Variants in ZP3 observed in about 807,000 individuals in gnomAD.
The protein encoded by ZP3 is zona pellucida sperm-binding protein 3.
A neutral mutation model predicts 35.6 loss-of-function variants in ZP3; 21 were observed. The observed-to-expected ratio is 0.59, with a 90% confidence interval of 0.42 to 0.85. The LOEUF (loss-of-function observed/expected upper bound fraction) is 0.85. Ranked by LOEUF, ZP3 falls within the 40% of genes least tolerant of loss-of-function variation. The pLI is 0.00. For missense variants in ZP3, 437 were observed against 536.5 expected, an observed-to-expected ratio of 0.81 and a Z score of 1.83; for synonymous variants, 207 against 214.5, an observed-to-expected ratio of 0.96 and a Z score of 0.31.
chr7:76,399,630 G>T (rs889368775), intron 1 of ZP3, among the ~76,000 whole-genome samples: 1 of 151,234 alleles, frequency 6.6e-6, no homozygotes, highest in Non-Finnish European at 1.5e-5. Context: ...GACCCCCCCA[G>T]ACTCCAGCGA....
intron 1 of ZP3, among the ~76,000 whole-genome samples, chr7:76,419,100 AGGGACTC>A (rs1176432781): frequency 6.6e-6 from 1 of 152,146 alleles, no homozygotes; most frequent in African/African-American, 2.4e-5. Context: ...GTCAGGATTA[AGGGACTC>A]AGTCTAGTCC....
intron 5 of ZP3, among the ~76,000 whole-genome samples, chr7:76,436,448 C>G (rs1806016984): frequency 6.6e-6 from 1 of 152,238 alleles, no homozygotes; most frequent in Non-Finnish European, 1.5e-5. Flanking sequence ...AATACGCAGC[C>G]AGGCTTGCAA....
chr7:76,405,743 TC>T (rs1341686904), intron 1 of ZP3, among the ~76,000 whole-genome samples: 1 of 151,990 alleles, frequency 6.6e-6, no homozygotes, highest in Admixed American at 6.6e-5. Flanking sequence ...GAGGAGTCGG[TC>T]ATGGCTGTAG....
At position 76,400,442 on chromosome 7, in the gene ZP3, C is replaced by A. The variant is rs200166313; in HGVS notation, c.-67+2645C>A. On this transcript the variant is annotated intron_variant, in intron 1 of 8. Coordinates refer to the ZP3 transcript ENST00000336517. ...TGGCCAAAGGCAAGGGGCCGTGGCA[C>A]GGGCAGTGCCAGGCCACAGCCCAGC... 1.9e-6 allele frequency: 3 copies of A among 1,607,426 alleles called. No homozygotes were observed. In the South Asian group the frequency reaches 3.3e-5, roughly 18 times the overall value.
chr7:76,417,797 A>G (rs188998762), intron 1 of ZP3, among the ~76,000 whole-genome samples: 3 of 151,320 alleles, frequency 2.0e-5, no homozygotes, highest in Admixed American at 2.0e-4. Flanking sequence ...TATTTCTTGC[A>G]GAGATGGGGT....
intron 1 of ZP3, among the ~76,000 whole-genome samples, chr7:76,401,940 A>G (rs909206198): frequency 6.6e-6 from 1 of 152,092 alleles, no homozygotes; most frequent in Non-Finnish European, 1.5e-5. Flanking sequence ...GCTCCACCTT[A>G]AATGTGTAAA....
chr7:76,432,411 C>A (rs1055345912), intron 2 of ZP3, among the ~76,000 whole-genome samples: 2 of 152,100 alleles, frequency 1.3e-5, no homozygotes, highest in African/African-American at 4.8e-5. Flanking sequence ...GTCTCGATCT[C>A]CTGACCTCAT....
At position 76,430,604 on chromosome 7, in the gene ZP3, G is replaced by A. The variant is rs117532362; in HGVS notation, c.431+971G>A. On this transcript the variant is annotated intron_variant, in intron 2 of 7. Coordinates refer to ENST00000394857, the MANE Select transcript of ZP3 (RefSeq NM_001110354.2). ...AAAAAAATTAGCCGAGTGTGGTAGC[G>A]CGTGCCTGTAATCTCAGCTACTCAG... Among the ~76,000 whole-genome samples the A allele has an allele frequency of 7.9e-4, 120 of 152,182 alleles. 1 individual carries two copies. In the East Asian group the frequency reaches 0.015, roughly 19 times the overall value.
chr7:76,399,649 C>T (rs1466832522), intron 1 of ZP3, among the ~76,000 whole-genome samples: 1 of 152,128 alleles, frequency 6.6e-6, no homozygotes, highest in Non-Finnish European at 1.5e-5. Context: ...GATCCTCCCT[C>T]CTCTGCCTCC....
At position 76,440,551 on chromosome 7, in the gene ZP3, A is replaced by C; in HGVS notation, c.1000A>C (p.Arg334=). ...KGDCGTPSHS[R]RQPHVMSQWS... is the part of the protein sequence containing the mutation. ...TGACTGTGGCACTCCAAGCCATTCC[A>C]GGAGGCAGCCTCATGTCATGAGCCA... Residue 334 remains arginine, a synonymous_variant, in exon 7 of 8, where the codon AGG becomes CGG. Transcript: ENST00000394857. 6.2e-7 allele frequency: 1 copy of C among 1,614,212 alleles called. No homozygotes were observed. The highest frequency in any genetic ancestry group is 8.5e-7 in the Non-Finnish European group (1 of 1,180,030).
intron 1 of ZP3, chr7:76,398,733 C>CAGTGTCGT (rs751197480): frequency 6.2e-7 from 1 of 1,613,258 alleles, no homozygotes; most frequent in South Asian, 1.1e-5. Context: ...TTCCATTCGG[C>CAGTGTCGT]AGTGTCGTAG....
chr7:76,408,707 C>T (rs1805127221), intron 1 of ZP3, among the ~76,000 whole-genome samples: 1 of 152,186 alleles, frequency 6.6e-6, no homozygotes, highest in Admixed American at 6.5e-5. Flanking sequence ...CCTCCCAGCT[C>T]CAAGGTGGGC....
chr7:76,411,942 C>G (rs575997209), intron 1 of ZP3, among the ~76,000 whole-genome samples: 58 of 152,230 alleles, frequency 3.8e-4, no homozygotes, highest in Non-Finnish European at 7.2e-4. Flanking sequence ...CCTGTAGTCT[C>G]AGCTACCCAG....
At chr7:76,423,007 A>AAGAGAG (rs747350112), upstream of ZP3, among the ~76,000 whole-genome samples, 931 of 76,060 alleles carry the variant, frequency 0.012, 59 homozygotes, top group African/African-American at 0.029. Context: ...AAAAGAAAGA[A>AAGAGAG]AGAGAGAGAG....
chr7:76,427,459 T>A (rs959021747), intron 1 of ZP3, among the ~76,000 whole-genome samples: 24 of 142,318 alleles, frequency 1.7e-4, no homozygotes, highest in Non-Finnish European at 3.0e-4. Flanking sequence ...TAGGTTGCAG[T>A]GAGTTGAGAT....
intron 1 of ZP3, among the ~76,000 whole-genome samples, chr7:76,398,063 C>T (rs997150933): frequency 2.0e-5 from 3 of 152,128 alleles, no homozygotes; most frequent in African/African-American, 4.8e-5. Flanking sequence ...CAGCCTGGGA[C>T]GTGCTGCCTT....
At position 76,412,965 on chromosome 7, in the gene ZP3, CT is replaced by C. The variant is rs1160174272; in HGVS notation, c.-66-12072del. 8.2e-3 allele frequency among the ~76,000 whole-genome samples: 845 copies of C among 102,544 alleles called. 9 individuals are homozygous for C. The highest frequency in any genetic ancestry group is 0.035 in the African/African-American group (738 of 20,844). 67.3% of individuals were successfully genotyped at this position (102,544 alleles called of 152,430 possible). A position where few individuals can be genotyped will look rare whatever the true frequency, so the allele number is the denominator to read the frequency against. On this transcript the variant is annotated intron_variant, in intron 1 of 8. Coordinates refer to the ZP3 transcript ENST00000336517. ...TCTTCTTTGTCTTCTTCTTCTTCTTCTTTTTTTTTTTTTTTGAGACGGAGTC... is the reference window on the plus strand; with the variant it reads ...TCTTCTTTGTCTTCTTCTTCTTCTTCTTTTTTTTTTTTTTGAGACGGAGTC...
intron 1 of ZP3, chr7:76,401,187 T>C (rs561483238): frequency 2.4e-5 from 29 of 1,215,018 alleles, no homozygotes; most frequent in African/African-American, 1.1e-4. Flanking sequence ...CAAAGCCCCA[T>C]TGTCTCTTTC....
chr7:76,424,089 T>G (rs1805585074), upstream of ZP3, among the ~76,000 whole-genome samples: 1 of 152,080 alleles, frequency 6.6e-6, no homozygotes, highest in African/African-American at 2.4e-5. Flanking sequence ...ACCGCCTCCT[T>G]TTTCTCACAC....
Sources: gnomAD v4.1 joint callset for allele counts (sites outside exome capture counted in the v4.1 genomes callset) on GRCh38, gnomAD v4.1.1 for gene constraint, MANE v1.5 for transcripts, NCBI Gene and HGNC (gene_info 2026-07-23, HGNC 2026-07-21) for gene names.